The following TBC1D5 variants were observed in gnomAD, a reference collection of about 807,000 sequenced individuals.
TBC1D5 encodes TBC1 domain family member 5.
TBC1D5 carries 75 observed loss-of-function variants against 100.3 expected under a neutral mutation model. The observed-to-expected ratio is 0.75, with a 90% CI of 0.62 to 0.91. The LOEUF (loss-of-function observed/expected upper bound fraction) is 0.91. Among genes scored for constraint, TBC1D5 ranks in the 40% least tolerant of loss-of-function variants. TBC1D5 has a pLI of 0.00. For missense variants in TBC1D5, 910 were observed against 942.4 expected (o/e 0.97, Z 0.45); for synonymous variants, 323 against 325.6 (o/e 0.99, Z 0.09).
intron 1 of TBC1D5, among the ~76,000 whole-genome samples, chr3:17,714,766 C>T (rs1349493752): frequency 1.3e-5 from 2 of 152,138 alleles, no homozygotes; most frequent in Admixed American, 1.3e-4. Context: ...CCCAGGAGTT[C>T]CAGCCTGGGC....
intron 3 of TBC1D5, among the ~76,000 whole-genome samples, chr3:17,468,455 T>G (rs796504161): frequency 1.6e-4 from 24 of 152,260 alleles, no homozygotes; most frequent in African/African-American, 5.8e-4. Context: ...ACACTATCAA[T>G]CCCCTTAAAT....
intron 17 of TBC1D5, 105 bp from the exon 19 acceptor site, chr3:17,214,475 TG>T: frequency 1.7e-6 from 2 of 1,175,256 alleles, no homozygotes; most frequent in Non-Finnish European, 2.4e-6. Flanking sequence ...GCCACTAGGT[TG>T]ATACTATCAA....
chr3:17,648,095 A>G (rs546688745), intron 1 of TBC1D5, among the ~76,000 whole-genome samples: 1 of 152,314 alleles, frequency 6.6e-6, no homozygotes, highest in African/African-American at 2.4e-5. Flanking sequence ...ACAAGGCAAC[A>G]GTAACCAAAA....
intron 9 of TBC1D5, among the ~76,000 whole-genome samples, chr3:17,382,418 A>T (rs534537285): frequency 2.6e-4 from 39 of 151,944 alleles, no homozygotes; most frequent in East Asian, 1.4e-3. Flanking sequence ...CCAGTTTTTT[A>T]AAAAAAACAC....
intron 1 of TBC1D5, among the ~76,000 whole-genome samples, chr3:17,637,494 C>G (rs28525383): frequency 0.05 from 7,626 of 151,362 alleles, 607 homozygotes; most frequent in African/African-American, 0.17. Flanking sequence ...ATGAAATATA[C>G]ACAAACTGGA....
chr3:17,405,352 T>G (rs543944853), intron 5 of TBC1D5, among the ~76,000 whole-genome samples: 1 of 152,072 alleles, frequency 6.6e-6, no homozygotes, highest in African/African-American at 2.4e-5. Context: ...ATTTAAGGTT[T>G]TGTTTTAAAA....
chr3:17,508,240 A>G (rs1689924115), intron 3 of TBC1D5, among the ~76,000 whole-genome samples: 1 of 152,228 alleles, frequency 6.6e-6, no homozygotes, highest in African/African-American at 2.4e-5. Flanking sequence ...TTTATTTTAA[A>G]GAACGACAGT....
At chr3:17,632,176 C>CG (rs2063554497) in intron 1 of TBC1D5, among the ~76,000 whole-genome samples, 2 of 152,134 alleles carry the variant, frequency 1.3e-5, no homozygotes, top group African/African-American at 4.8e-5. Context: ...TGAACCCTCA[C>CG]GGATGACTTG....
intron 1 of TBC1D5, among the ~76,000 whole-genome samples, chr3:17,738,419 A>T (rs1431089587): frequency 1.3e-5 from 2 of 151,978 alleles, no homozygotes; most frequent in African/African-American, 4.8e-5. Flanking sequence ...TCTCTCTCTA[A>T]TTCTCAAAGT....
chr3:17,302,820 C>T (rs1395965344), intron 14 of TBC1D5, among the ~76,000 whole-genome samples: 1 of 152,160 alleles, frequency 6.6e-6, no homozygotes, highest in African/African-American at 2.4e-5. Context: ...ATATGTAATG[C>T]TCAGAGCCTG....
intron 2 of TBC1D5, among the ~76,000 whole-genome samples, chr3:17,598,055 C>T (rs78965046): frequency 1.4e-5 from 2 of 145,364 alleles, no homozygotes; most frequent in African/African-American, 5.0e-5. Flanking sequence ...CCAAAAGAGG[C>T]TGGGTCAATT....
chr3:17,706,067 C>A, intron 1 of TBC1D5: 2 of 1,598,144 alleles, frequency 1.3e-6, no homozygotes, highest in East Asian at 2.3e-5. Flanking sequence ...ACTGATTTCC[C>A]CCGACCCCAG....
intron 2 of TBC1D5, among the ~76,000 whole-genome samples, chr3:17,593,107 C>T (rs1413052686): frequency 7.9e-5 from 12 of 152,132 alleles, no homozygotes; most frequent in African/African-American, 2.9e-4. Context: ...CCATGTTCTC[C>T]GATCCTGCCA....
chr3:17,224,390 T>A lies in TBC1D5; in HGVS notation c.1589-10020A>T, dbSNP rs114682600. ...TATTTTAGTATTCACACTTAAAAAG[T>A]AAAGAAAGATAAAATTAATTTTAAT... On this transcript the variant is annotated intron_variant, in intron 17 of 21. Coordinates refer to ENST00000253692, the Ensembl canonical transcript of TBC1D5. Among the ~76,000 whole-genome samples, 329 of 152,294 alleles carry A rather than the reference T, an allele frequency of 2.2e-3. 1 individual carries two copies. The highest frequency in any genetic ancestry group is 7.4e-3 in the African/African-American group (308 of 41,578).
chr3:17,210,336 C>T (rs1474484947), intron 18 of TBC1D5, among the ~76,000 whole-genome samples: 3 of 151,862 alleles, frequency 2.0e-5, no homozygotes, highest in East Asian at 1.9e-4. Context: ...TACAGGCACC[C>T]GCCACCATGC....
chr3:17,295,412 G>A (rs1003446903), intron 14 of TBC1D5, among the ~76,000 whole-genome samples: 6 of 152,296 alleles, frequency 3.9e-5, no homozygotes, highest in Admixed American at 3.3e-4. Context: ...ATTCATCCTT[G>A]ATGAATAGCA....
intron 10 of TBC1D5, 71 bp downstream of exon 10, chr3:17,376,454 G>A (rs2092711828): frequency 1.5e-6 from 2 of 1,302,148 alleles, no homozygotes; most frequent in African/African-American, 1.5e-5. Context: ...AGAAGATTTT[G>A]AGGTTTCAAA....
At chr3:17,633,381 A>C (rs1194099311) in intron 1 of TBC1D5, among the ~76,000 whole-genome samples, 1 of 151,928 alleles carries the variant, frequency 6.6e-6, no homozygotes, top group Admixed American at 6.6e-5. Flanking sequence ...GGTTGCAGTA[A>C]GCCGAGATCA....
At chr3:17,396,400 C>T (rs2093505600) in intron 8 of TBC1D5, among the ~76,000 whole-genome samples, 1 of 151,758 alleles carries the variant, frequency 6.6e-6, no homozygotes, top group African/African-American at 2.4e-5. Context: ...TCTGAAATTG[C>T]TTGTAAAATC....
Sources: gnomAD v4.1 joint callset for allele counts (sites outside exome capture counted in the v4.1 genomes callset) on GRCh38, gnomAD v4.1.1 for gene constraint, MANE v1.5 for transcripts, NCBI Gene and HGNC (gene_info 2026-07-23, HGNC 2026-07-21) for gene names.